The following INPP5A variants were observed in gnomAD, a reference collection of about 807,000 sequenced individuals.
The protein encoded by INPP5A is inositol polyphosphate-5-phosphatase A, also known as 43 kDa inositol polyphosphate 5-phophatase.
In INPP5A, 14 loss-of-function variants were observed where a neutral mutation model predicts 65.2. That is an observed-to-expected ratio of 0.21 (90% CI 0.14 to 0.34). The LOEUF (loss-of-function observed/expected upper bound fraction) is 0.34. Ranked by LOEUF, INPP5A falls within the 10% of genes least tolerant of loss-of-function variation. The probability of loss-of-function intolerance (pLI) is 1.00; values close to 1 mark genes in which losing one functional copy is unlikely to be tolerated. For synonymous variants in INPP5A, 207 were observed against 208.3 expected, an observed-to-expected ratio of 0.99 and a Z score of 0.05; for missense variants, 431 against 545.6, an observed-to-expected ratio of 0.79 and a Z score of 2.09.
rs761223770 is a variant in INPP5A at position 132,645,828 on chromosome 10, C to T, written c.118-40C>T. 66 of 1,494,332 alleles carry T rather than the reference C, an allele frequency of 4.4e-5. No homozygotes were observed. The East Asian group carries it at 9.9e-4, about 22-fold the overall frequency. 92.6% of individuals were successfully genotyped at this position (1,494,332 alleles called of 1,614,324 possible). A position where few individuals can be genotyped will look rare whatever the true frequency, so the allele number is the denominator to read the frequency against. On this transcript the variant is annotated intron_variant, in intron 2 of 15. Coordinates refer to ENST00000368594, the MANE Select transcript of INPP5A (RefSeq NM_005539.5). ...GTGGTGCCACGTGTGGCTCTGTGGACGGCTCCGACGACCCTGACAGTGTGC... is the reference window on the plus strand; with the variant it reads ...GTGGTGCCACGTGTGGCTCTGTGGATGGCTCCGACGACCCTGACAGTGTGC...
At chr10:132,746,973 C>T (rs570516414) in intron 9 of INPP5A, among the ~76,000 whole-genome samples, 2 of 152,318 alleles carry the variant, frequency 1.3e-5, no homozygotes, top group Admixed American at 1.3e-4. Flanking sequence ...TTGGGGTGGC[C>T]GGCCCCTTCC....
At position 132,616,309 on chromosome 10, in the gene INPP5A, TG is replaced by T. The variant is rs1185729192; in HGVS notation, c.117+8354del. The stretch of plus-strand genomic sequence containing the variant: ...GAGGACCACAGTGGCAGATGTGCAG[TG>T]TGGGGCATGTGGCGTGCAGGGACGC... On this transcript the variant is annotated intron_variant, in intron 2 of 15. Coordinates refer to ENST00000368594, the MANE Select transcript of INPP5A (RefSeq NM_005539.5). This position sits in a 1 kb window ranked among gnomAD's most constrained non-coding sequence, Gnocchi z 4.9. Among the ~76,000 whole-genome samples, 4 of 152,162 alleles carry T rather than the reference TG, an allele frequency of 2.6e-5. No homozygotes were observed. In the East Asian group the frequency reaches 7.7e-4, roughly 29 times the overall value.
chr10:132,684,534 G>T (rs889170093), intron 4 of INPP5A, among the ~76,000 whole-genome samples: 4 of 152,250 alleles, frequency 2.6e-5, no homozygotes, highest in Non-Finnish European at 5.9e-5. Context: ...CCGTGAGGGT[G>T]TGGGGTTGTA....
chr10:132,552,486 G>A (rs976920395), intron 1 of INPP5A, among the ~76,000 whole-genome samples: 2 of 137,798 alleles, frequency 1.5e-5, no homozygotes, highest in Admixed American at 1.4e-4. Context: ...TCAGAGCCTT[G>A]GTGGCATATT....
At chr10:132,710,294 G>T in intron 7 of INPP5A, 43 bp from the exon 8 acceptor site, 1 of 1,603,626 alleles carries the variant, frequency 6.2e-7, no homozygotes, top group South Asian at 1.1e-5. Context: ...TGACCCGGAG[G>T]CTCCGGCCCT....
intron 8 of INPP5A, among the ~76,000 whole-genome samples, chr10:132,723,602 T>A (rs1276263522): frequency 3.4e-5 from 2 of 58,154 alleles, no homozygotes; most frequent in African/African-American, 9.3e-5. Context: ...GGGATTGGTT[T>A]TGTGGGGATT....
At chr10:132,756,768 A>G (rs1590989745) in intron 11 of INPP5A, among the ~76,000 whole-genome samples, 2 of 152,372 alleles carry the variant, frequency 1.3e-5, no homozygotes, top group East Asian at 3.8e-4. Context: ...CAGGTCCTTC[A>G]GGCAGGTCCA....
chr10:132,560,470 TGCAGTG>T (rs1221783875), intron 1 of INPP5A, among the ~76,000 whole-genome samples: 1 of 152,198 alleles, frequency 6.6e-6, no homozygotes, highest in East Asian at 1.9e-4. Context: ...CTGGTGGGTG[TGCAGTG>T]GTATCTCCTG....
intron 8 of INPP5A, among the ~76,000 whole-genome samples, chr10:132,720,450 G>C (rs1845848308): frequency 6.6e-6 from 1 of 150,966 alleles, no homozygotes; most frequent in South Asian, 2.1e-4. Flanking sequence ...TTAGACGGCT[G>C]TCTTCAGGGT....
chr10:132,552,076 T>C (rs1303920392), intron 1 of INPP5A, among the ~76,000 whole-genome samples: 4 of 152,264 alleles, frequency 2.6e-5, no homozygotes, highest in African/African-American at 7.2e-5. Flanking sequence ...TATGGGCGCA[T>C]TCTCAGAGCC....
rs1010579378 is a variant in INPP5A, at chr10:132,716,372, C to T, written c.647+5916C>T. Among the ~76,000 whole-genome samples, 73 of 152,214 alleles carry T rather than the reference C, an allele frequency of 4.8e-4. 1 individual carries two copies. Among genetic ancestry groups the T allele is most frequent in the African/African-American group, 1.7e-3 (72 of 41,452 alleles). On this transcript the variant is annotated intron_variant, in intron 8 of 15. Coordinates refer to ENST00000368594, the MANE Select transcript of INPP5A (RefSeq NM_005539.5). ...CAGCTGGAGGCAAGCGTCGACGTGA[C>T]GTTGCTGTGACGCCTGTGTGTGGTT...
chr10:132,756,424 GTATA>G (rs1482961297), intron 11 of INPP5A, among the ~76,000 whole-genome samples: 3 of 152,156 alleles, frequency 2.0e-5, no homozygotes, highest in African/African-American at 7.2e-5. Context: ...GTGCGTGTGT[GTATA>G]CAGTCACGTC....
chr10:132,583,296 C>T (rs537552153), intron 1 of INPP5A, among the ~76,000 whole-genome samples: 6 of 152,254 alleles, frequency 3.9e-5, no homozygotes, highest in South Asian at 2.1e-4. Context: ...CCCTCTGAAC[C>T]GTAGCTTCTG....
Position 132,650,356 on chromosome 10 carries a change from A to G in INPP5A, c.219-62A>G, listed in dbSNP as rs1438859481. On this transcript the variant is annotated intron_variant, in intron 3 of 15. Coordinates refer to ENST00000368594, the MANE Select transcript of INPP5A (RefSeq NM_005539.5). The surrounding 1 kb of genome is among the most constrained non-coding windows in gnomAD (Gnocchi z 5.5). Reference sequence around the variant, plus strand: ...GGAGCCCCTCTTATACCTTGTGGTCATCTCATGAGGTGCAAGGCGTCTGTG... The same window carrying G: ...GGAGCCCCTCTTATACCTTGTGGTCGTCTCATGAGGTGCAAGGCGTCTGTG... 1.8e-6 allele frequency: 2 copies of G among 1,110,510 alleles called. No individual in the cohort carries two copies. The highest frequency in any genetic ancestry group is 2.8e-6 in the Non-Finnish European group (2 of 722,708). 68.8% of individuals were successfully genotyped at this position (1,110,510 alleles called of 1,614,324 possible).
chr10:132,542,977 A>T (rs1197319748), intron 1 of INPP5A, among the ~76,000 whole-genome samples: 1 of 151,714 alleles, frequency 6.6e-6, no homozygotes, highest in Non-Finnish European at 1.5e-5. Flanking sequence ...TGATTTTTTT[A>T]TTTTTATTTT....
intron 11 of INPP5A, 64 bp downstream of exon 11, chr10:132,749,909 C>T (rs1162812189): frequency 7.2e-7 from 1 of 1,394,526 alleles, no homozygotes; most frequent in African/African-American, 1.4e-5. Context: ...CAGGCCTTCC[C>T]ATTACCTCTG....
At chr10:132,539,837 C>T (rs1490090113) in intron 1 of INPP5A, among the ~76,000 whole-genome samples, 1 of 152,220 alleles carries the variant, frequency 6.6e-6, no homozygotes, top group African/African-American at 2.4e-5. Flanking sequence ...TGATGAAGCT[C>T]AGTTCATGCA....
chr10:132,738,899 C>T (rs1262648487), intron 9 of INPP5A, among the ~76,000 whole-genome samples: 1 of 152,196 alleles, frequency 6.6e-6, no homozygotes, highest in South Asian at 2.1e-4. Flanking sequence ...CTGGGGCTCG[C>T]GGTGAGGTCT....
At chr10:132,748,658 G>A (rs1196583235) in intron 9 of INPP5A, among the ~76,000 whole-genome samples, 1 of 152,248 alleles carries the variant, frequency 6.6e-6, no homozygotes, top group African/African-American at 2.4e-5. Context: ...GCGGTGATCT[G>A]TGCCGGCTGT....
Sources: allele counts gnomAD v4.1 joint callset (sites outside exome capture counted in the v4.1 genomes callset), GRCh38; gene constraint gnomAD v4.1.1; non-coding constraint Gnocchi (gnomAD v3.1); transcripts MANE v1.5; gene names NCBI Gene and HGNC (gene_info 2026-07-23, HGNC 2026-07-21).